CDH8: variants seen among roughly 807,000 people sequenced by gnomAD.
The protein encoded by CDH8 is cadherin-8.
Under a neutral mutation model 68.1 loss-of-function variants are expected in CDH8, and 17 were observed. That is an observed-to-expected ratio of 0.25 (90% CI 0.17 to 0.37). CDH8 has a LOEUF of 0.37. CDH8 is among the 10% of genes least tolerant of loss of function. CDH8 has a pLI of 1.00. For synonymous variants in CDH8, 372 were observed against 365.1 expected (o/e 1.02, Z -0.21); for missense variants, 763 against 999.3 (o/e 0.76, Z 3.19).
chr16:61,996,447 G>A (rs1004039309), intron 2 of CDH8, among the ~76,000 whole-genome samples: 14 of 152,122 alleles, frequency 9.2e-5, no homozygotes, highest in African/African-American at 3.1e-4. Flanking sequence ...GAGCATTAAT[G>A]TACTAACTCA....
intron 2 of CDH8, among the ~76,000 whole-genome samples, chr16:61,920,341 C>T (rs1174421896): frequency 2.1e-5 from 3 of 140,682 alleles, no homozygotes; most frequent in Admixed American, 7.2e-5. Flanking sequence ...AGAAAATTTT[C>T]GCAACCTACT....
intron 8 of CDH8, among the ~76,000 whole-genome samples, chr16:61,736,487 G>A (rs2142914650): frequency 6.6e-6 from 1 of 152,262 alleles, no homozygotes; most frequent in South Asian, 2.1e-4. Context: ...GTAGATGAAT[G>A]TTTATCCCAG....
intron 3 of CDH8, among the ~76,000 whole-genome samples, chr16:61,863,676 G>A (rs1013989438): frequency 6.6e-6 from 1 of 152,158 alleles, no homozygotes; most frequent in African/African-American, 2.4e-5. Flanking sequence ...TACATTTTTA[G>A]AGAATCAGCA....
chr16:61,873,825 G>A (rs1963413765), intron 3 of CDH8, among the ~76,000 whole-genome samples: 1 of 152,156 alleles, frequency 6.6e-6, no homozygotes, highest in Non-Finnish European at 1.5e-5. Context: ...CGAAGCCAAG[G>A]CAGGTGGATC....
rs557502151 is a variant in CDH8, at chr16:61,650,440, C to G, written c.*3168G>C. 3.9e-5 allele frequency: 6 copies of G among 152,126 alleles called. No individual in the cohort carries two copies. The highest frequency in any genetic ancestry group is 1.2e-4 in the African/African-American group (5 of 41,516). 9.4% of individuals were successfully genotyped at this position (152,126 alleles called of 1,614,324 possible). A position where few individuals can be genotyped will look rare whatever the true frequency, so the allele number is the denominator to read the frequency against. ...TCTTCTCTATTTAGCAGAGAGTACT[C>G]TTGTTTCTGCTATGTCAATGTTGAT... On this transcript the variant is annotated 3_prime_UTR_variant, in exon 12 of 12. Transcript: ENST00000577390.
intron 10 of CDH8, among the ~76,000 whole-genome samples, chr16:61,695,639 GA>G (rs1964310692): frequency 1.3e-5 from 2 of 152,064 alleles, no homozygotes; most frequent in Admixed American, 1.3e-4. Flanking sequence ...AATATCTCCT[GA>G]ACTGCAAAAT....
At chr16:61,932,783 G>GA (rs1964567107) in intron 2 of CDH8, among the ~76,000 whole-genome samples, 1 of 152,096 alleles carries the variant, frequency 6.6e-6, no homozygotes, top group Non-Finnish European at 1.5e-5. Context: ...CAGTTGCAGG[G>GA]AAAAAAGATC....
At chr16:61,778,809 G>A (rs1027450985) in intron 8 of CDH8, among the ~76,000 whole-genome samples, 1 of 152,032 alleles carries the variant, frequency 6.6e-6, no homozygotes, top group Non-Finnish European at 1.5e-5. Context: ...TCCAACTCCA[G>A]AACCCAAGAT....
chr16:61,796,378 G>A (rs1398573255), intron 7 of CDH8, among the ~76,000 whole-genome samples: 1 of 152,032 alleles, frequency 6.6e-6, no homozygotes. Flanking sequence ...TTAGACAGAA[G>A]AGCTAGTTTT....
chr16:61,744,627 T>A (rs896876562), intron 8 of CDH8, among the ~76,000 whole-genome samples: 3 of 151,758 alleles, frequency 2.0e-5, no homozygotes, highest in African/African-American at 7.2e-5. Context: ...TTTCTTAGTT[T>A]TCCCCTTTTC....
intron 2 of CDH8, among the ~76,000 whole-genome samples, chr16:61,907,065 T>A (rs1250672023): frequency 1.3e-5 from 2 of 152,186 alleles, no homozygotes; most frequent in Non-Finnish European, 2.9e-5. Context: ...CACACACTGA[T>A]TGTGAAAAAA....
chr16:61,777,639 G>A (rs889011586), intron 8 of CDH8, among the ~76,000 whole-genome samples: 2 of 152,172 alleles, frequency 1.3e-5, no homozygotes, highest in Non-Finnish European at 2.9e-5. Context: ...GAGGTGGTGG[G>A]AGAAAATTAG....
intron 3 of CDH8, among the ~76,000 whole-genome samples, chr16:61,874,592 A>G (rs1328784785): frequency 1.3e-5 from 2 of 152,078 alleles, no homozygotes; most frequent in Non-Finnish European, 2.9e-5. Context: ...CAGCCTCCCA[A>G]AGTGATATTT....
At chr16:61,654,490 T>A (rs964498011) in intron 11 of CDH8, among the ~76,000 whole-genome samples, 1 of 149,072 alleles carries the variant, frequency 6.7e-6, no homozygotes, top group Non-Finnish European at 1.5e-5. Context: ...CAAAGCTCCC[T>A]TCTATTAAAA....
Position 62,021,152 on chromosome 16 carries a change from C to A in CDH8, c.252G>T (p.Arg84=). 1 of 1,613,482 alleles carries A rather than the reference C, an allele frequency of 6.2e-7. No individual in the cohort carries two copies. The highest frequency in any genetic ancestry group is 1.1e-5 in the South Asian group (1 of 91,044). ...FSGPEPILVG[R]LHTDLDPGSK... is the part of the protein sequence containing the mutation. ...TTGAGATCTTAAAAACAAAGCTTAC[C>A]CGGCCAACAAGAATCGGTTCAGGTC... The change falls in exon 2 of 12, where the codon CGG becomes CGT. Residue 84 remains arginine (R), a splice_region_variant and synonymous_variant. Transcript: ENST00000577390.
At chr16:61,763,400 T>C (rs1960514249) in intron 8 of CDH8, among the ~76,000 whole-genome samples, 1 of 152,210 alleles carries the variant, frequency 6.6e-6, no homozygotes, top group South Asian at 2.1e-4. Flanking sequence ...GGCTTCAGGA[T>C]AGCAGAAAGT....
At chr16:61,777,893 G>A (rs1473933251) in intron 8 of CDH8, among the ~76,000 whole-genome samples, 1 of 152,122 alleles carries the variant, frequency 6.6e-6, no homozygotes, top group Non-Finnish European at 1.5e-5. Flanking sequence ...CCAGGAATCT[G>A]TAGCTTCCCT....
intron 7 of CDH8, among the ~76,000 whole-genome samples, chr16:61,798,669 C>A (rs1961551621): frequency 6.6e-6 from 1 of 152,056 alleles, no homozygotes; most frequent in Admixed American, 6.5e-5. Flanking sequence ...GCTGTTATCA[C>A]TACTCAAGTT....
chr16:61,864,933 C>A (rs922265083), intron 3 of CDH8, among the ~76,000 whole-genome samples: 3 of 152,168 alleles, frequency 2.0e-5, no homozygotes, highest in Admixed American at 1.3e-4. Context: ...GAATAAGAGG[C>A]AGAGGCAGCA....
Sources: allele counts gnomAD v4.1 joint callset (sites outside exome capture counted in the v4.1 genomes callset), GRCh38; gene constraint gnomAD v4.1.1; transcripts MANE v1.5; gene names NCBI Gene and HGNC (gene_info 2026-07-23, HGNC 2026-07-21).